Variants in SLC28A1 observed in about 807,000 individuals in gnomAD.
SLC28A1 encodes the protein solute carrier family 28 member 1.
Under a neutral mutation model 74.8 loss-of-function variants are expected in SLC28A1, and 64 were observed. The ratio of observed to expected loss-of-function variants is 0.86; its 90% CI spans 0.70 to 1.05. SLC28A1 has a LOEUF of 1.05. SLC28A1 is among the 50% of genes least tolerant of loss of function. SLC28A1 has a pLI of 0.00. For synonymous variants in SLC28A1, 359 were observed against 335.0 expected, an observed-to-expected ratio of 1.07 and a Z score of -0.78; for missense variants, 828 against 822.8, an observed-to-expected ratio of 1.01 and a Z score of -0.08.
chr15:84,906,544 CTT>C lies in SLC28A1; in HGVS notation c.717+894_717+895del, dbSNP rs1555447200. Among the ~76,000 whole-genome samples, 89 of 63,364 alleles carry C rather than the reference CTT, an allele frequency of 1.4e-3. 1 individual carries two copies. The highest frequency in any genetic ancestry group is 5.5e-3 in the African/African-American group (85 of 15,402). 41.6% of individuals were successfully genotyped at this position (63,364 alleles called of 152,430 possible). A position where few individuals can be genotyped will look rare whatever the true frequency, so the allele number is the denominator to read the frequency against. On this transcript the variant is annotated intron_variant, in intron 8 of 18. Coordinates refer to ENST00000394573, the MANE Select transcript of SLC28A1 (RefSeq NM_004213.5). ...TGTTTGTTTGTTTCTTTCTTTCTTT[CTT>C]TCTTTCTTTCTTTCTTTCTCTTTCT...
At position 84,887,791 on chromosome 15, in the gene SLC28A1, T is replaced by C; in HGVS notation, c.31T>C (p.Ser11Pro). 6.2e-7 allele frequency: 1 copy of C among 1,613,336 alleles called. No individual in the cohort carries two copies. The highest frequency in any genetic ancestry group is 1.1e-5 in the South Asian group (1 of 91,006). Residue 11 changes from serine (S) to proline (P), a missense_variant, in exon 3 of 19, where the codon TCC (serine) becomes CCC (proline). Ser to Pro is a moderately conservative substitution (Grantham distance 74). This residue lies in a region of SLC28A1 where 767 missense variants were observed against 753.5 expected (regional missense o/e 1.02). Coordinates refer to ENST00000394573, the MANE Select transcript of SLC28A1 (RefSeq NM_004213.5). ...GAACGACCCCTCGAGACGAAGAGAGTCCATCTCTCTCACACCTGTGGCCAA... is the reference window on the plus strand; with the variant it reads ...GAACGACCCCTCGAGACGAAGAGAGCCCATCTCTCTCACACCTGTGGCCAA... MENDPSRRRE[S>P]ISLTPVAKGL...
At chr15:84,901,547 A>C (rs1461751726) in intron 6 of SLC28A1, among the ~76,000 whole-genome samples, 1 of 152,160 alleles carries the variant, frequency 6.6e-6, no homozygotes, top group African/African-American at 2.4e-5. Context: ...AAAAACAAAA[A>C]AAGGCTCAAG....
intron 11 of SLC28A1, among the ~76,000 whole-genome samples, chr15:84,922,192 C>T (rs535882084): frequency 6.6e-6 from 1 of 152,274 alleles, no homozygotes; most frequent in East Asian, 1.9e-4. Context: ...TGGCTTTAAA[C>T]ACTTTAAATG....
chr15:84,972,023 C>G, the SLC28A1 span, among the ~76,000 whole-genome samples: 36 of 152,294 alleles, frequency 2.4e-4, no homozygotes, highest in Non-Finnish European at 4.0e-4. Context: ...GGATGTTTCC[C>G]AGGGATTAGG....
At chr15:84,926,290 C>G (rs1299124380) in intron 12 of SLC28A1, among the ~76,000 whole-genome samples, 3 of 151,772 alleles carry the variant, frequency 2.0e-5, no homozygotes, top group African/African-American at 4.8e-5. Flanking sequence ...CCTCAAACTC[C>G]TGGACTCAAG....
the SLC28A1 span, among the ~76,000 whole-genome samples, chr15:84,954,492 A>G: frequency 6.6e-6 from 1 of 152,232 alleles, no homozygotes; most frequent in Non-Finnish European, 1.5e-5. Context: ...ATTGTGAGAC[A>G]AGTTATTTGC....
intron 2 of SLC28A1, among the ~76,000 whole-genome samples, chr15:84,887,096 T>C (rs951187697): frequency 4.3e-4 from 66 of 152,266 alleles, no homozygotes; most frequent in African/African-American, 1.4e-3. Flanking sequence ...AGGAGTAGGA[T>C]TGGTTTCAGG....
intron 10 of SLC28A1, among the ~76,000 whole-genome samples, chr15:84,919,773 T>C (rs1253580086): frequency 6.6e-6 from 1 of 152,194 alleles, no homozygotes; most frequent in Non-Finnish European, 1.5e-5. Flanking sequence ...ATCGTTACAA[T>C]GGCAATCAAA....
rs1237222258 is a variant in SLC28A1, at chr15:84,918,536, A to G, written c.808A>G (p.Ile270Val). 6.2e-7 allele frequency: 1 copy of G among 1,613,504 alleles called. No homozygotes were observed. Among genetic ancestry groups the G allele is most frequent in the Non-Finnish European group, 8.5e-7 (1 of 1,179,728 alleles). ...TCCTTCCCGGCAGGTTCTGCCCATCATTGTCTTTTTCAGCTGTGTCATATC... is the reference window on the plus strand; with the variant it reads ...TCCTTCCCGGCAGGTTCTGCCCATCGTTGTCTTTTTCAGCTGTGTCATATC... ...DVFAFQVLPI[I>V]VFFSCVISVL... is the part of the protein sequence containing the mutation. The change falls in exon 10 of 19, where the codon ATT becomes GTT. Residue 270 changes from isoleucine (I) to valine (V), a missense_variant. Around this residue, in one of 3 missense-constraint regions of SLC28A1, gnomAD observed 767 missense variants for 753.5 expected, o/e 1.02. Transcript: ENST00000394573.
chr15:84,894,571 T>C (rs564095527), intron 5 of SLC28A1, among the ~76,000 whole-genome samples: 1 of 152,300 alleles, frequency 6.6e-6, no homozygotes, highest in East Asian at 1.9e-4. Context: ...ACGGAGTAGC[T>C]GATGGGCTCG....
chr15:84,904,577 G>A (rs762832804), intron 7 of SLC28A1, among the ~76,000 whole-genome samples: 1 of 152,172 alleles, frequency 6.6e-6, no homozygotes, highest in African/African-American at 2.4e-5. Context: ...ACTCCAGCCT[G>A]TCTGCAGAGC....
chr15:84,890,577 G>A, intron 5 of SLC28A1, 43 bp downstream of exon 5: 1 of 1,462,352 alleles, frequency 6.8e-7, no homozygotes, highest in Non-Finnish European at 9.5e-7. Flanking sequence ...AATGACTCCT[G>A]CCTCAGCTAT....
intron 8 of SLC28A1, 70 bp from the exon 9 acceptor site, chr15:84,908,648 C>A: frequency 7.4e-7 from 1 of 1,344,748 alleles, no homozygotes; most frequent in Non-Finnish European, 1.1e-6. Flanking sequence ...CTGTCTCTGG[C>A]CGCTGCTTCC....
intron 11 of SLC28A1, among the ~76,000 whole-genome samples, chr15:84,922,162 G>A (rs1969905894): frequency 6.6e-6 from 1 of 152,144 alleles, no homozygotes; most frequent in African/African-American, 2.4e-5. Context: ...CTCCCTCCCT[G>A]CAGGATCACA....
chr15:84,965,912 A>AGCG, the SLC28A1 span, among the ~76,000 whole-genome samples: 1 of 142,436 alleles, frequency 7.0e-6, no homozygotes, highest in Admixed American at 7.2e-5. Flanking sequence ...GAGGGGGGGG[A>AGCG]AATATTAGGC....
chr15:84,933,191 G>T lies in SLC28A1; in HGVS notation c.1130G>T (p.Cys377Phe). 1 of 1,613,806 alleles carries T rather than the reference G, an allele frequency of 6.2e-7. No individual in the cohort carries two copies. The highest frequency in any genetic ancestry group is 1.3e-5 in the African/African-American group (1 of 75,000). ...LIAASVMAAP[C>F]ALALSKLVYP... is the part of the protein sequence containing the mutation. Reference sequence around the variant, plus strand: ...GCAGCCTCTGTGATGGCTGCCCCTTGTGCCTTGGCCCTCTCCAAGCTGGTC... The same window carrying T: ...GCAGCCTCTGTGATGGCTGCCCCTTTTGCCTTGGCCCTCTCCAAGCTGGTC... Residue 377 changes from cysteine to phenylalanine, a missense_variant, in exon 13 of 19, where the codon TGT becomes TTT. Coordinates refer to ENST00000394573, the MANE Select transcript of SLC28A1 (RefSeq NM_004213.5).
At chr15:84,926,649 C>A in intron 12 of SLC28A1, 1 of 414,160 alleles carries the variant, frequency 2.4e-6, no homozygotes, top group South Asian at 1.7e-5. Flanking sequence ...GCAGTACAGT[C>A]ATAAGCTGGG....
intron 6 of SLC28A1, among the ~76,000 whole-genome samples, chr15:84,901,198 A>G (rs1966653546): frequency 6.6e-6 from 1 of 151,332 alleles, no homozygotes; most frequent in Non-Finnish European, 1.5e-5. Flanking sequence ...AATAAGAAAA[A>G]TAACCTAATT....
rs1165384741 is a variant in SLC28A1 at position 84,935,047 on chromosome 15, A to G, written c.1236A>G (p.Glu412=). Residue 412 remains glutamate (E), a synonymous_variant, in exon 14 of 19, where the codon GAA becomes GAG. Coordinates refer to ENST00000394573, the MANE Select transcript of SLC28A1 (RefSeq NM_004213.5). ...ACAGAGATGCTCAGAACCTCATAGA[A>G]GCAGCCAGCACTGGGGCCGCCATCT... The part of the protein sequence containing the change: ...LTYGDAQNLI[E]AASTGAAISV... The G allele has an allele frequency of 6.2e-7, 1 of 1,614,026 alleles. No individual in the cohort carries two copies. Among genetic ancestry groups the G allele is most frequent in the Non-Finnish European group, 8.5e-7 (1 of 1,179,996 alleles).
Sources: gnomAD v4.1 joint callset for allele counts (sites outside exome capture counted in the v4.1 genomes callset) on GRCh38, gnomAD v4.1.1 for gene constraint, gnomAD v4.1.1 regional missense constraint, MANE v1.5 for transcripts, NCBI Gene and HGNC (gene_info 2026-07-23, HGNC 2026-07-21) for gene names.